The following RTN1 variants were observed in gnomAD, a reference collection of about 807,000 sequenced individuals.
RTN1 encodes reticulon 1.
RTN1 carries 25 observed loss-of-function variants against 65.5 expected under a neutral mutation model. The ratio of observed to expected loss-of-function variants is 0.38; its 90% confidence interval spans 0.28 to 0.53. The LOEUF (loss-of-function observed/expected upper bound fraction) is 0.53, where lower values mean the gene tolerates loss of function less well. Ranked by LOEUF, RTN1 falls within the 20% of genes least tolerant of loss-of-function variation. The probability of loss-of-function intolerance (pLI) is 0.79; values close to 1 mark genes in which losing one functional copy is unlikely to be tolerated. For missense variants in RTN1, 983 were observed against 1,025.4 expected, an observed-to-expected ratio of 0.96 and a Z score of 0.57; for synonymous variants, 471 against 447.6, an observed-to-expected ratio of 1.05 and a Z score of -0.66.
rs576838862 is a variant in RTN1, at chr14:59,640,352, C to T, written c.1766-32860G>A. 2.6e-5 allele frequency among the ~76,000 whole-genome samples: 4 copies of T among 152,134 alleles called. No individual in the cohort carries two copies. In the South Asian group the frequency reaches 8.3e-4, roughly 32 times the overall value. On this transcript the variant is annotated intron_variant, in intron 3 of 8. Transcript: ENST00000267484. ...TTATTTTTTGAGATGGAGTCTTGCT[C>T]TGTCACCAGGCTGGAGTGCAGTGGC... is the stretch of plus-strand genomic sequence containing the variant.
chr14:59,774,040 C>T lies in RTN1; in HGVS notation c.242-27559G>A, dbSNP rs1278778247. 2.0e-5 allele frequency among the ~76,000 whole-genome samples: 3 copies of T among 152,028 alleles called. No homozygotes were observed. Among genetic ancestry groups the T allele is most frequent in the African/African-American group, 7.3e-5 (3 of 41,368 alleles). On this transcript the variant is annotated intron_variant, in intron 1 of 8. Coordinates refer to ENST00000267484, the MANE Select transcript of RTN1 (RefSeq NM_021136.3). The surrounding 1 kb of genome is among the most constrained non-coding windows in gnomAD (Gnocchi z 5.1). ...TGAAAAATTAGGATAAAACTGCATCCACGTTTGTGAAATAGAATGCCAGAT... is the reference window on the plus strand; with the variant it reads ...TGAAAAATTAGGATAAAACTGCATCTACGTTTGTGAAATAGAATGCCAGAT...
chr14:59,717,245 A>G (rs1054951360), intron 3 of RTN1, among the ~76,000 whole-genome samples: 3 of 152,192 alleles, frequency 2.0e-5, no homozygotes, highest in African/African-American at 7.2e-5. Flanking sequence ...TAGGCAGATA[A>G]ATCTCCCAAG....
chr14:59,605,792 A>G (rs1881727064), intron 4 of RTN1: 1 of 282,482 alleles, frequency 3.5e-6, no homozygotes, highest in Non-Finnish European at 6.5e-6. Context: ...AGCTGGGACC[A>G]GAGAAAAAAA....
At position 59,869,464 on chromosome 14, in the gene RTN1, TGGATCCTTTGACCAGGATGCGCCAG is replaced by T. The variant is rs1464556195; in HGVS notation, c.241+901_241+925del. Among the ~76,000 whole-genome samples the T allele has an allele frequency of 2.0e-5, 3 of 151,864 alleles. No individual in the cohort carries two copies. The East Asian group carries it at 5.9e-4, about 30-fold the overall frequency. Reference sequence around the variant, plus strand: ...GCCGGCAGCCTCAAAGCGCGCTTCCTGGATCCTTTGACCAGGATGCGCCAGGGGCCTGGGCTCCCGCTGGACACTG... The same window carrying T: ...GCCGGCAGCCTCAAAGCGCGCTTCCTGGGCCTGGGCTCCCGCTGGACACTG... On this transcript the variant is annotated intron_variant, in intron 1 of 8. Transcript: ENST00000267484.
intron 1 of RTN1, among the ~76,000 whole-genome samples, chr14:59,769,230 G>A (rs750378850): frequency 1.3e-5 from 2 of 152,098 alleles, no homozygotes; most frequent in African/African-American, 4.8e-5. Flanking sequence ...TCTTTTACAT[G>A]AGGTCATGTT....
At chr14:59,779,852 C>G (rs976900340) in intron 1 of RTN1, among the ~76,000 whole-genome samples, 1 of 152,110 alleles carries the variant, frequency 6.6e-6, no homozygotes, top group Admixed American at 6.6e-5. Context: ...TTCCTCCCCC[C>G]ACTTCCACCC....
At chr14:59,701,407 C>T (rs572065282) in intron 3 of RTN1, among the ~76,000 whole-genome samples, 11 of 152,176 alleles carry the variant, frequency 7.2e-5, no homozygotes, top group South Asian at 2.1e-4. Flanking sequence ...TAGCTGGCAA[C>T]GGAAACAACT....
In RTN1 at chr14:59,825,351, T is replaced by G. The variant is rs571414662; in HGVS notation, c.241+45039A>C. On this transcript the variant is annotated intron_variant, in intron 1 of 8. Coordinates refer to ENST00000267484, the MANE Select transcript of RTN1 (RefSeq NM_021136.3). The surrounding 1 kb of genome is among the most constrained non-coding windows in gnomAD (Gnocchi z 4.2). ...TGGCCTTTGTTTACCAGCCCCAATA[T>G]GGTTTAGGCAACAACTGTTCTGCTG... Among the ~76,000 whole-genome samples, 1 of 152,364 alleles carries G rather than the reference T, an allele frequency of 6.6e-6. No individual in the cohort carries two copies. Among genetic ancestry groups the G allele is most frequent in the Middle Eastern group, 3.4e-3 (1 of 294 alleles).
rs1487626453 is a variant in RTN1 at position 59,803,088 on chromosome 14, G to A, written c.242-56607C>T. On this transcript the variant is annotated intron_variant, in intron 1 of 8. Coordinates refer to ENST00000267484, the MANE Select transcript of RTN1 (RefSeq NM_021136.3). This position sits in a 1 kb window ranked among gnomAD's most constrained non-coding sequence, Gnocchi z 5.6. ...CATTTGCACTGGGATAAGCACACAGGCCATGCAGAAAACCGCTGTCTATCT... is the reference window on the plus strand; with the variant it reads ...CATTTGCACTGGGATAAGCACACAGACCATGCAGAAAACCGCTGTCTATCT... 3.3e-5 allele frequency among the ~76,000 whole-genome samples: 5 copies of A among 152,140 alleles called. No individual in the cohort carries two copies. The East Asian group carries it at 9.6e-4, about 29-fold the overall frequency.
intron 3 of RTN1, among the ~76,000 whole-genome samples, chr14:59,654,070 G>C (rs1883071169): frequency 3.9e-5 from 6 of 152,098 alleles, no homozygotes; most frequent in Admixed American, 3.9e-4. Context: ...GGTTTCACTA[G>C]TGAATTCTGC....
intron 1 of RTN1, among the ~76,000 whole-genome samples, chr14:59,812,408 T>C (rs890648348): frequency 2.0e-5 from 3 of 152,162 alleles, no homozygotes; most frequent in African/African-American, 7.2e-5. Context: ...GCACTGTACC[T>C]TGAAAAAGGT....
At chr14:59,757,099 A>C (rs371719441) in intron 1 of RTN1, among the ~76,000 whole-genome samples, 14 of 152,140 alleles carry the variant, frequency 9.2e-5, no homozygotes, top group African/African-American at 2.9e-4. Context: ...GCCTCCACAC[A>C]TGCTGCTGTG....
chr14:59,860,130 T>C (rs756429562), intron 1 of RTN1, among the ~76,000 whole-genome samples: 1 of 152,070 alleles, frequency 6.6e-6, no homozygotes, highest in Non-Finnish European at 1.5e-5. Flanking sequence ...ATGTCAGAGG[T>C]CTTCACAGTA....
At chr14:59,831,556 G>A (rs1220083130) in intron 1 of RTN1, among the ~76,000 whole-genome samples, 2 of 152,116 alleles carry the variant, frequency 1.3e-5, no homozygotes, top group South Asian at 4.1e-4. Context: ...CCATAACTGT[G>A]TGTGAGCTAC....
chr14:59,630,680 T>C, intron 3 of RTN1: 1 of 1,180,516 alleles, frequency 8.5e-7, no homozygotes, highest in Non-Finnish European at 1.0e-6. Context: ...CGCCGCAGTC[T>C]GCGCGGCCGG....
chr14:59,784,322 T>A (rs966219664), intron 1 of RTN1, among the ~76,000 whole-genome samples: 2 of 151,854 alleles, frequency 1.3e-5, no homozygotes, highest in Non-Finnish European at 2.9e-5. Context: ...ATGCCTGTAA[T>A]CCCAGCTACT....
intron 1 of RTN1, among the ~76,000 whole-genome samples, chr14:59,795,518 T>G (rs191753077): frequency 6.6e-6 from 1 of 152,022 alleles, no homozygotes; most frequent in South Asian, 2.1e-4. Flanking sequence ...CTGGGCAAAA[T>G]AGTGAGATCC....
intron 3 of RTN1, among the ~76,000 whole-genome samples, chr14:59,694,995 C>T (rs1884034187): frequency 6.6e-6 from 1 of 152,192 alleles, no homozygotes; most frequent in South Asian, 2.1e-4. Context: ...CGGCATGGGG[C>T]TTCTTAGTAT....
chr14:59,739,880 G>T (rs1885082782), intron 2 of RTN1, among the ~76,000 whole-genome samples: 1 of 152,164 alleles, frequency 6.6e-6, no homozygotes. Context: ...GGTTTCACAT[G>T]CAGAAGCCTC....
Sources: gnomAD v4.1 joint callset for allele counts (sites outside exome capture counted in the v4.1 genomes callset) on GRCh38, gnomAD v4.1.1 for gene constraint, Gnocchi (gnomAD v3.1) non-coding constraint, MANE v1.5 for transcripts, NCBI Gene and HGNC (gene_info 2026-07-23, HGNC 2026-07-21) for gene names.